The following NRXN1 variants were observed in gnomAD, a reference collection of about 807,000 sequenced individuals.
NRXN1 encodes neurexin 1, also known as neurexin-1.
NRXN1 carries 39 observed loss-of-function variants against 150.9 expected under a neutral mutation model. The observed-to-expected ratio is 0.26, with a 90% confidence interval of 0.20 to 0.34. The LOEUF is 0.34. Ranked by LOEUF, NRXN1 falls within the 10% of genes least tolerant of loss-of-function variation. The pLI is 1.00. For missense variants in NRXN1, 1,815 were observed against 1,949.9 expected (o/e 0.93, Z 1.30); for synonymous variants, 924 against 757.0 (o/e 1.22, Z -3.62).
At chr2:50,306,009 T>C (rs1363304929) in intron 17 of NRXN1, among the ~76,000 whole-genome samples, 2 of 152,152 alleles carry the variant, frequency 1.3e-5, no homozygotes, top group African/African-American at 4.8e-5. Context: ...ATGAGACAAG[T>C]GAAAAGCACT....
chr2:50,648,287 C>A (rs1685108943), intron 5 of NRXN1, among the ~76,000 whole-genome samples: 1 of 151,920 alleles, frequency 6.6e-6, no homozygotes, highest in South Asian at 2.1e-4. Context: ...TGCTGAGAAG[C>A]CACAGATGAG....
intron 19 of NRXN1, among the ~76,000 whole-genome samples, chr2:50,062,926 G>A (rs1694770583): frequency 6.6e-6 from 1 of 152,118 alleles, no homozygotes; most frequent in African/African-American, 2.4e-5. Context: ...AGAACAAAAA[G>A]AGACTTGCTT....
At chr2:51,013,132 A>G (rs897705981) in intron 2 of NRXN1, among the ~76,000 whole-genome samples, 1 of 152,086 alleles carries the variant, frequency 6.6e-6, no homozygotes, top group African/African-American at 2.4e-5. Flanking sequence ...ATGGCAAAGC[A>G]AACAAGAGGA....
chr2:50,366,713 T>A (rs2079608244), intron 17 of NRXN1, among the ~76,000 whole-genome samples: 1 of 151,982 alleles, frequency 6.6e-6, no homozygotes, highest in Non-Finnish European at 1.5e-5. Flanking sequence ...CCATAAAACC[T>A]TATTCCTGTT....
At chr2:50,409,634 G>A (rs1051594663) in intron 17 of NRXN1, among the ~76,000 whole-genome samples, 2 of 152,128 alleles carry the variant, frequency 1.3e-5, no homozygotes, top group African/African-American at 4.8e-5. Flanking sequence ...AAGAACACTC[G>A]ACTTGGAAAA....
chr2:50,330,183 A>T lies in NRXN1; in HGVS notation c.3365-93213T>A, dbSNP rs552077848. Among the ~76,000 whole-genome samples the T allele has an allele frequency of 5.9e-5, 9 of 152,154 alleles. No homozygotes were observed. In the East Asian group the frequency reaches 1.7e-3, roughly 29 times the overall value. ...GCACAGTAGGCTTCTATTTTTTTTT[A>T]AATGATTAAATACATAAAGGCAAAC... On this transcript the variant is annotated intron_variant, in intron 17 of 22. Transcript: ENST00000401669.
chr2:50,650,883 T>TA (rs1451163189), intron 5 of NRXN1, among the ~76,000 whole-genome samples: 1 of 152,020 alleles, frequency 6.6e-6, no homozygotes, highest in East Asian at 1.9e-4. Context: ...TATTTGAATA[T>TA]AAAAAAGTAT....
At chr2:50,582,794 G>A (rs960282930) in intron 8 of NRXN1, among the ~76,000 whole-genome samples, 2 of 151,886 alleles carry the variant, frequency 1.3e-5, no homozygotes, top group African/African-American at 4.8e-5. Context: ...CAGTTCCCCC[G>A]CTGAACCATA....
chr2:50,483,050 CAAAAAAAAAAAA>C (rs70948712), intron 15 of NRXN1, among the ~76,000 whole-genome samples: 2 of 75,406 alleles, frequency 2.7e-5, no homozygotes, highest in African/African-American at 5.2e-5. Context: ...GACTCCGTGT[CAAAAAAAAAAAA>C]AAAAAAAAAA....
chr2:50,414,103 T>C (rs966629246), intron 17 of NRXN1, among the ~76,000 whole-genome samples: 4 of 151,644 alleles, frequency 2.6e-5, no homozygotes, highest in Non-Finnish European at 5.9e-5. Context: ...GTACTAAAAA[T>C]AGAAAGAATG....
chr2:50,198,798 T>C (rs926145581), intron 18 of NRXN1, among the ~76,000 whole-genome samples: 1 of 152,168 alleles, frequency 6.6e-6, no homozygotes, highest in Admixed American at 6.6e-5. Context: ...TTGCATGGTT[T>C]CTTGTACTCT....
chr2:50,215,978 T>C (rs746803122), intron 18 of NRXN1, among the ~76,000 whole-genome samples: 1 of 152,078 alleles, frequency 6.6e-6, no homozygotes, highest in Non-Finnish European at 1.5e-5. Context: ...TGGTTAAATA[T>C]TTCAAGGAAC....
intron 2 of NRXN1, among the ~76,000 whole-genome samples, chr2:50,938,561 A>G (rs962102877): frequency 1.3e-5 from 2 of 152,034 alleles, no homozygotes; most frequent in Non-Finnish European, 2.9e-5. Flanking sequence ...TTATAGCAGT[A>G]CCCCACTCCT....
intron 21 of NRXN1, among the ~76,000 whole-genome samples, chr2:50,047,744 C>T (rs945373988): frequency 2.6e-5 from 4 of 151,722 alleles, no homozygotes; most frequent in South Asian, 2.1e-4. Flanking sequence ...CCTTTGACAT[C>T]CCACACTATT....
intron 5 of NRXN1, among the ~76,000 whole-genome samples, chr2:50,848,986 A>G (rs1200938085): frequency 6.6e-6 from 1 of 152,166 alleles, no homozygotes; most frequent in African/African-American, 2.4e-5. Context: ...TCTCTGTCCA[A>G]CTAACCCATC....
At chr2:50,891,107 G>A (rs1021496540) in intron 5 of NRXN1, among the ~76,000 whole-genome samples, 1 of 151,948 alleles carries the variant, frequency 6.6e-6, no homozygotes, top group African/African-American at 2.4e-5. Context: ...ATTTCAGCCA[G>A]GCAAACAGTC....
At chr2:50,031,978 A>G (rs1689247020) in intron 21 of NRXN1, among the ~76,000 whole-genome samples, 1 of 152,082 alleles carries the variant, frequency 6.6e-6, no homozygotes. Flanking sequence ...TCCCTACCCA[A>G]TTCTGAAAAG....
At chr2:50,158,671 A>C (rs769478122) in intron 18 of NRXN1, among the ~76,000 whole-genome samples, 10 of 152,116 alleles carry the variant, frequency 6.6e-5, no homozygotes, top group Non-Finnish European at 1.2e-4. Context: ...TTTGTTTCAA[A>C]TGCAGCTGTA....
chr2:49,965,315 G>A (rs1676766993), intron 21 of NRXN1, among the ~76,000 whole-genome samples: 1 of 151,910 alleles, frequency 6.6e-6, no homozygotes, highest in South Asian at 2.1e-4. Flanking sequence ...CTCCCAGGCT[G>A]GAGTGTAATG....
Sources: gnomAD v4.1 joint callset for allele counts (sites outside exome capture counted in the v4.1 genomes callset) on GRCh38, gnomAD v4.1.1 for gene constraint, MANE v1.5 for transcripts, NCBI Gene and HGNC (gene_info 2026-07-23, HGNC 2026-07-21) for gene names.